Variants in DMD observed in about 807,000 individuals in gnomAD.
DMD encodes dystrophin, also known as mutant dystrophin.
In DMD, 63 loss-of-function variants were observed where a neutral mutation model predicts 330.1. The ratio of observed to expected loss-of-function variants is 0.19; its 90% CI spans 0.16 to 0.24. The LOEUF is 0.24. DMD is among the 10% of genes least tolerant of loss of function. The pLI is 1.00. For synonymous variants in DMD, 1,223 were observed against 959.8 expected (o/e 1.27, Z -5.07); for missense variants, 3,344 against 2,684.1 (o/e 1.25, Z -5.43).
Position 32,878,467 on chromosome X carries a change from T to C in DMD, c.94-28647A>G, listed in dbSNP as rs141096648. ...TCAAACCTGTAGCTCTATGGAGGTT[T>C]TGATTACCATTATAATCCATTAACA... On this transcript the variant is annotated intron_variant, in intron 2 of 78. Coordinates refer to ENST00000357033, the MANE Select transcript of DMD (RefSeq NM_004006.3). 5.3e-3 allele frequency among the ~76,000 whole-genome samples: 595 copies of C among 112,124 alleles called. 4 individuals are homozygous for C. Among genetic ancestry groups the C allele is most frequent in the African/African-American group, 0.018 (558 of 30,908 alleles).
chrX:33,217,324 C>T (rs1301501623), intron 1 of DMD, among the ~76,000 whole-genome samples: 1 of 111,484 alleles, frequency 9.0e-6, no homozygotes, highest in East Asian at 2.8e-4. Context: ...AAATGTTTCA[C>T]TGATGTTTTG....
At chrX:32,513,504 T>C (rs1481495698) in intron 18 of DMD, among the ~76,000 whole-genome samples, 1 of 111,860 alleles carries the variant, frequency 8.9e-6, no homozygotes, top group African/African-American at 3.3e-5. Flanking sequence ...CAAGAGCTGT[T>C]AAGGGAGCAG....
chrX:31,728,725 A>G (rs1428786566), intron 52 of DMD, among the ~76,000 whole-genome samples: 1 of 111,794 alleles, frequency 8.9e-6, no homozygotes, highest in African/African-American at 3.3e-5. Flanking sequence ...AAAAAAAAAG[A>G]TGGCTGAAAG....
At position 31,807,071 on chromosome X, in the gene DMD, C is replaced by T. The variant is rs1045281070; in HGVS notation, c.7309+12904G>A. Among the ~76,000 whole-genome samples, 5 of 111,028 alleles carry T rather than the reference C, an allele frequency of 4.5e-5. No individual in the cohort carries two copies. In the East Asian group the frequency reaches 1.1e-3, roughly 25 times the overall value. On this transcript the variant is annotated intron_variant, in intron 50 of 78. Transcript: ENST00000357033. ...GAGGAAACTCTACCCTTTTGACGGC[C>T]GAAGGGGACGCTTTCCAGAAGAGGT...
chrX:32,693,689 G>A (rs755953412), intron 9 of DMD, among the ~76,000 whole-genome samples: 5 of 111,785 alleles, frequency 4.5e-5, no homozygotes, highest in South Asian at 3.8e-4. Flanking sequence ...ATCTCCCCGC[G>A]TCATCCTCCA....
rs184211223 is a variant in DMD, at chrX:31,134,112, A to T, written c.11004T>A (p.Pro3668=). Residue 3668 remains proline (P), a synonymous_variant, in exon 77 of 79, where the codon CCT becomes CCA. Transcript: ENST00000357033. ...EVMEQLNNSF[P]SSRGRNTPGK... ...GGTATTGGAGCTTACCTCTTGAACT[A>T]GGGAAGGAGTTGTTGAGTTGCTCCA... 8.3e-7 allele frequency: 1 copy of T among 1,208,667 alleles called. No homozygotes were observed. Among genetic ancestry groups the T allele is most frequent in the Admixed American group, 2.2e-5 (1 of 45,727 alleles).
intron 43 of DMD, among the ~76,000 whole-genome samples, chrX:32,273,808 C>T (rs758120671): frequency 1.1e-4 from 12 of 111,888 alleles, no homozygotes; most frequent in East Asian, 2.8e-4. Context: ...CAGAAATGAG[C>T]GGGGCCAACA....
intron 44 of DMD, among the ~76,000 whole-genome samples, chrX:32,037,587 C>T (rs185898656): frequency 9.0e-6 from 1 of 111,581 alleles, no homozygotes; most frequent in East Asian, 2.8e-4. Context: ...TGTAACCGTG[C>T]ATAAATACTG....
intron 52 of DMD, among the ~76,000 whole-genome samples, chrX:31,683,499 T>C (rs983126453): frequency 5.3e-5 from 6 of 112,448 alleles, no homozygotes; most frequent in African/African-American, 9.7e-5. Context: ...CTGAAGGATC[T>C]ATAGCATAGC....
chrX:32,624,931 T>G (rs1402758954), intron 11 of DMD, among the ~76,000 whole-genome samples: 1 of 111,668 alleles, frequency 9.0e-6, no homozygotes, highest in African/African-American at 3.3e-5. Flanking sequence ...CTCATCACTT[T>G]GGGAGGCTGA....
intron 51 of DMD, among the ~76,000 whole-genome samples, chrX:31,766,251 G>A (rs1420642867): frequency 9.0e-6 from 1 of 111,701 alleles, no homozygotes; most frequent in Non-Finnish European, 1.9e-5. Flanking sequence ...TTTGTAAATA[G>A]AATTCTCTAA....
At chrX:32,414,063 A>G (rs1483569218) in intron 29 of DMD, among the ~76,000 whole-genome samples, 1 of 111,433 alleles carries the variant, frequency 9.0e-6, no homozygotes, top group African/African-American at 3.3e-5. Flanking sequence ...CCTTCATAAT[A>G]TAAGTCCTGC....
intron 62 of DMD, among the ~76,000 whole-genome samples, chrX:31,284,605 C>CTTT (rs1556432295): frequency 7.7e-5 from 7 of 91,104 alleles, no homozygotes; most frequent in East Asian, 3.4e-4. Context: ...TCTTCTTCTT[C>CTTT]TTTTTTTTGG....
intron 62 of DMD, among the ~76,000 whole-genome samples, chrX:31,270,325 C>T (rs768624127): frequency 9.0e-6 from 1 of 111,137 alleles, no homozygotes; most frequent in South Asian, 3.9e-4. Flanking sequence ...CAGCCAAAGC[C>T]ACCCTCTGGG....
intron 2 of DMD, among the ~76,000 whole-genome samples, chrX:32,850,115 A>T (rs933842769): frequency 2.7e-5 from 3 of 112,056 alleles, no homozygotes; most frequent in African/African-American, 9.7e-5. Flanking sequence ...GAGAGAAAAA[A>T]TACAGGCATG....
At chrX:31,540,414 T>C (rs758543175) in intron 55 of DMD, among the ~76,000 whole-genome samples, 5 of 112,172 alleles carry the variant, frequency 4.5e-5, no homozygotes, top group Admixed American at 2.8e-4. Context: ...CACCCTTCAT[T>C]TGGAGATTTT....
intron 49 of DMD, among the ~76,000 whole-genome samples, chrX:31,822,653 G>GGGGGTGTGTGTGTGT (rs58903799): frequency 9.6e-4 from 63 of 65,806 alleles, no homozygotes; most frequent in African/African-American, 3.7e-3. Flanking sequence ...AAGGCAGAGG[G>GGGGGTGTGTGTGTGT]GTGTGTGTGT....
intron 55 of DMD, among the ~76,000 whole-genome samples, chrX:31,576,767 T>TTTTTTTTTTTTTTTTC: frequency 9.1e-6 from 1 of 109,462 alleles, no homozygotes; most frequent in Non-Finnish European, 1.9e-5. Context: ...TTGTTTTTTT[T>TTTTTTTTTTTTTTTTC]TGACAGAGTC....
rs543426487 is a variant in DMD at position 33,088,142 on chromosome X, T to A, written c.32-67942A>T. Among the ~76,000 whole-genome samples, 116 of 110,972 alleles carry A rather than the reference T, an allele frequency of 1.0e-3. 1 individual carries two copies. The Middle Eastern group carries it at 0.032, about 31-fold the overall frequency. On this transcript the variant is annotated intron_variant, in intron 1 of 78. Transcript: ENST00000357033. Reference sequence around the variant, plus strand: ...ATCTCAGCTCACTGCAACCTTTACCTCCCGGAGGATTCAAGCAATTCTCCT... The same window carrying A: ...ATCTCAGCTCACTGCAACCTTTACCACCCGGAGGATTCAAGCAATTCTCCT...
Sources: gnomAD v4.1 joint callset for allele counts (sites outside exome capture counted in the v4.1 genomes callset) on GRCh38, gnomAD v4.1.1 for gene constraint, MANE v1.5 for transcripts, NCBI Gene and HGNC (gene_info 2026-07-23, HGNC 2026-07-21) for gene names.